The following CFAP92 variants were observed in gnomAD, a reference collection of about 807,000 sequenced individuals.
CFAP92 encodes the protein uncharacterized protein CFAP92.
A neutral mutation model predicts 106.3 loss-of-function variants in CFAP92; 86 were observed. That is an observed-to-expected ratio of 0.81 (90% CI 0.68 to 0.97). The LOEUF is 0.97. Ranked by LOEUF, CFAP92 falls within the 50% of genes least tolerant of loss-of-function variation. The pLI is 0.00. For missense variants in CFAP92, 1,204 were observed against 1,283.8 expected, an observed-to-expected ratio of 0.94 and a Z score of 0.95; for synonymous variants, 477 against 506.4, an observed-to-expected ratio of 0.94 and a Z score of 0.78.
chr3:129,022,757 G>A, the CFAP92 span, among the ~76,000 whole-genome samples: 36 of 152,352 alleles, frequency 2.4e-4, 1 homozygote, highest in East Asian at 9.6e-4. Context: ...TGAGTGACAA[G>A]TGTCTCTGCA....
the CFAP92 span, among the ~76,000 whole-genome samples, chr3:129,017,392 C>T: frequency 6.6e-6 from 1 of 152,246 alleles, no homozygotes; most frequent in Admixed American, 6.5e-5. Flanking sequence ...CCTGTGACCT[C>T]ATAATTCCGT....
intron 9 of CFAP92, among the ~76,000 whole-genome samples, chr3:128,952,103 T>G (rs1254667554): frequency 6.6e-6 from 1 of 151,590 alleles, no homozygotes; most frequent in South Asian, 2.1e-4. Context: ...CTGCTACACA[T>G]ACAATTTTTT....
At chr3:129,015,419 C>CG in the CFAP92 span, among the ~76,000 whole-genome samples, 818 of 151,432 alleles carry the variant, frequency 5.4e-3, 6 homozygotes, top group African/African-American at 0.018. Flanking sequence ...TCTGCTCCTT[C>CG]GGGGGGGGAG....
chr3:129,023,510 T>C, the CFAP92 span, among the ~76,000 whole-genome samples: 1 of 152,070 alleles, frequency 6.6e-6, no homozygotes, highest in African/African-American at 2.4e-5. Flanking sequence ...GGTTTTGTAT[T>C]TTTAGTAGAG....
chr3:128,932,883 C>A lies in CFAP92; in HGVS notation c.2568G>T (p.Ser856=). 1 of 1,536,134 alleles carries A rather than the reference C, an allele frequency of 6.5e-7. No homozygotes were observed. The highest frequency in any genetic ancestry group is 8.7e-7 in the Non-Finnish European group (1 of 1,146,920). ...GTTTCTCATCTGTGAGTTCTTCTTG[C>A]GAAAGGGGCATCCCAAACTCTTGGC... ...DLSQEFGMPL[S]QEELTDEKLF... is the part of the protein sequence containing the mutation. Residue 856 remains serine, a synonymous_variant, in exon 12 of 16, where the codon TCG becomes TCT. Transcript: ENST00000645291.
At chr3:128,958,173 T>A (rs1576520835) in intron 9 of CFAP92, among the ~76,000 whole-genome samples, 1 of 152,228 alleles carries the variant, frequency 6.6e-6, no homozygotes, top group Non-Finnish European at 1.5e-5. Flanking sequence ...TCTGAGATAC[T>A]GGGCGTTAGG....
At chr3:128,913,949 A>C (rs1203558145) in intron 15 of CFAP92, among the ~76,000 whole-genome samples, 2 of 151,876 alleles carry the variant, frequency 1.3e-5, no homozygotes, top group African/African-American at 4.8e-5. Context: ...AGGGGGCTTC[A>C]CTCTAGGCTG....
chr3:129,000,550 G>A (rs991095436), intron 1 of CFAP92, among the ~76,000 whole-genome samples: 1 of 152,094 alleles, frequency 6.6e-6, no homozygotes, highest in Non-Finnish European at 1.5e-5. Context: ...AACCGTTCCC[G>A]GTGCAGGTAA....
Position 128,910,318 on chromosome 3 carries a change from CCTTT to C in CFAP92, c.3292_3295del (p.Lys1098GlyfsTer83), listed in dbSNP as rs1241442797. On this transcript the variant is annotated frameshift_variant, in exon 16 of 16. Transcript: ENST00000645291. LOFTEE classifies it high-confidence loss of function. ...TGCTGCTCAGGAGATGGGGCTGTTC[CCTTT>C]CTTCTTCCTGACTGAGAGAAGAGGG... is the stretch of plus-strand genomic sequence containing the variant. 2.7e-6 allele frequency: 4 copies of C among 1,481,100 alleles called. No homozygotes were observed. The highest frequency in any genetic ancestry group is 2.5e-5 in the East Asian group (1 of 40,442). The allele number at this position is 1,481,100 out of a possible 1,614,324, so 91.7% of individuals were successfully genotyped here. A position where few individuals can be genotyped will look rare whatever the true frequency, so the allele number is the denominator to read the frequency against.
chr3:128,974,748 G>C (rs1018136544), intron 7 of CFAP92, among the ~76,000 whole-genome samples: 1 of 152,016 alleles, frequency 6.6e-6, no homozygotes, highest in African/African-American at 2.4e-5. Flanking sequence ...TTGAACCCAA[G>C]AGGCAGAGGT....
At chr3:128,991,588 G>C (rs1576651088) in intron 2 of CFAP92, 1 of 166,564 alleles carries the variant, frequency 6.0e-6, no homozygotes, top group South Asian at 1.6e-4. Context: ...CGGGTACAGC[G>C]TAGCAGTTAC....
intron 15 of CFAP92, chr3:128,910,962 T>A: frequency 1.0e-6 from 1 of 961,114 alleles, no homozygotes; most frequent in South Asian, 1.3e-5. Context: ...AGGCCTGGGC[T>A]TAGCTGCAGC....
chr3:128,921,102 C>T (rs1383764483), intron 12 of CFAP92, among the ~76,000 whole-genome samples: 1 of 152,132 alleles, frequency 6.6e-6, no homozygotes, highest in Non-Finnish European at 1.5e-5. Context: ...GTGTTGGCCC[C>T]CTGGTCCCAC....
At chr3:128,925,746 A>G (rs1937600074) in intron 12 of CFAP92, among the ~76,000 whole-genome samples, 1 of 152,198 alleles carries the variant, frequency 6.6e-6, no homozygotes, top group Non-Finnish European at 1.5e-5. Flanking sequence ...AAACACACCT[A>G]CAAACATCAT....
upstream of CFAP92, among the ~76,000 whole-genome samples, chr3:128,997,767 A>G (rs145279490): frequency 2.2e-3 from 330 of 152,340 alleles, 1 homozygote; most frequent in African/African-American, 7.6e-3. Flanking sequence ...TGCTATGAAC[A>G]TTCCCACACA....
chr3:128,914,391 A>G (rs1425974563), intron 15 of CFAP92, among the ~76,000 whole-genome samples: 1 of 152,152 alleles, frequency 6.6e-6, no homozygotes, highest in African/African-American at 2.4e-5. Context: ...AGAAAGTGAC[A>G]TTTCAGCAAA....
At chr3:128,923,263 T>C (rs980775868) in intron 12 of CFAP92, among the ~76,000 whole-genome samples, 3 of 152,160 alleles carry the variant, frequency 2.0e-5, no homozygotes, top group African/African-American at 4.8e-5. Context: ...CATGGGCCAG[T>C]TGAATCTGAA....
chr3:128,937,954 C>T (rs1939217550), intron 10 of CFAP92, among the ~76,000 whole-genome samples: 1 of 151,984 alleles, frequency 6.6e-6, no homozygotes, highest in African/African-American at 2.4e-5. Flanking sequence ...ATCTCAGCTA[C>T]TATGGAGGTT....
At chr3:129,021,757 A>G in the CFAP92 span, among the ~76,000 whole-genome samples, 3 of 152,208 alleles carry the variant, frequency 2.0e-5, no homozygotes, top group Non-Finnish European at 4.4e-5. Context: ...ATTCAAATGT[A>G]TCCATCACAG....
Sources: allele counts gnomAD v4.1 joint callset (sites outside exome capture counted in the v4.1 genomes callset), GRCh38; gene constraint gnomAD v4.1.1; transcripts MANE v1.5; gene names NCBI Gene and HGNC (gene_info 2026-07-23, HGNC 2026-07-21).